The following THSD7A variants were observed in gnomAD, a reference collection of about 807,000 sequenced individuals.
THSD7A encodes thrombospondin type 1 domain containing 7A.
Under a neutral mutation model 231.3 loss-of-function variants are expected in THSD7A, and 96 were observed. That is an observed-to-expected ratio of 0.41 (90% CI 0.35 to 0.49). The LOEUF (loss-of-function observed/expected upper bound fraction) is 0.49. Ranked by LOEUF, THSD7A falls within the 20% of genes least tolerant of loss-of-function variation. The pLI is 0.05. For missense variants in THSD7A, 2,290 were observed against 2,070.2 expected, an observed-to-expected ratio of 1.11 and a Z score of -2.06; for synonymous variants, 940 against 743.3, an observed-to-expected ratio of 1.26 and a Z score of -4.30.
rs534863239 is a variant in THSD7A at position 11,694,217 on chromosome 7, T to C, written c.191-57256A>G. Among the ~76,000 whole-genome samples, 78 of 151,520 alleles carry C rather than the reference T, an allele frequency of 5.1e-4. 1 individual carries two copies. Among genetic ancestry groups the C allele is most frequent in the Non-Finnish European group, 9.9e-4 (67 of 67,672 alleles). ...GATTTCATTTTGGACTTTTTTACAA[T>C]GTTATTCCTTTGGAATGTCATTTCA... On this transcript the variant is annotated intron_variant, in intron 1 of 27. Coordinates refer to ENST00000423059, the MANE Select transcript of THSD7A (RefSeq NM_015204.3).
chr7:11,543,481 G>A (rs1489721829), intron 4 of THSD7A, among the ~76,000 whole-genome samples: 1 of 152,088 alleles, frequency 6.6e-6, no homozygotes, highest in African/African-American at 2.4e-5. Flanking sequence ...AACTTCAGAG[G>A]ACTGAACAAA....
Position 11,411,360 on chromosome 7 carries a change from G to T in THSD7A, c.3683-38C>A. The T allele has an allele frequency of 7.2e-7, 1 of 1,391,454 alleles. No individual in the cohort carries two copies. Among genetic ancestry groups the T allele is most frequent in the Non-Finnish European group, 1.0e-6 (1 of 991,734 alleles). The allele number at this position is 1,391,454 out of a possible 1,614,324, so 86.2% of individuals were successfully genotyped here. On this transcript the variant is annotated intron_variant, in intron 18 of 27. Coordinates refer to ENST00000423059, the MANE Select transcript of THSD7A (RefSeq NM_015204.3). This position sits in a 1 kb window ranked among gnomAD's most constrained non-coding sequence, Gnocchi z 4.1. ...GAAGCCCATCAGAACAGAAGGCTAAGTAAGAAACAGATTTCAAATGAAACT... is the reference window on the plus strand; with the variant it reads ...GAAGCCCATCAGAACAGAAGGCTAATTAAGAAACAGATTTCAAATGAAACT...
intron 1 of THSD7A, among the ~76,000 whole-genome samples, chr7:11,669,315 T>C (rs945284235): frequency 2.6e-5 from 4 of 152,084 alleles, no homozygotes; most frequent in Non-Finnish European, 5.9e-5. Flanking sequence ...AATACTTTTT[T>C]TCGGACATCA....
intron 1 of THSD7A, among the ~76,000 whole-genome samples, chr7:11,695,715 G>T (rs550027466): frequency 3.8e-4 from 57 of 151,514 alleles, no homozygotes; most frequent in Non-Finnish European, 7.2e-4. Context: ...GGACATTGTG[G>T]TAAGTGATAC....
intron 6 of THSD7A, among the ~76,000 whole-genome samples, chr7:11,490,000 T>G (rs549900480): frequency 2.0e-4 from 31 of 152,246 alleles, no homozygotes; most frequent in African/African-American, 7.5e-4. Context: ...AAACCCTTTT[T>G]ATTCACAATA....
chr7:11,572,753 G>A (rs951798090), intron 4 of THSD7A, among the ~76,000 whole-genome samples: 1 of 151,758 alleles, frequency 6.6e-6, no homozygotes, highest in African/African-American at 2.4e-5. Flanking sequence ...TGATCCTCCT[G>A]CCTCAGCCTC....
At position 11,606,807 on chromosome 7, in the gene THSD7A, A is replaced by G. The variant is rs187096450; in HGVS notation, c.1023-13305T>C. On this transcript the variant is annotated intron_variant, in intron 2 of 27. Transcript: ENST00000423059. ...AAGCAAAATATATTTGTAGGCTTGT[A>G]TACTTTGTAATGACAGCATGGCCAC... Among the ~76,000 whole-genome samples the G allele has an allele frequency of 3.5e-3, 529 of 152,182 alleles. 2 individuals carry two copies. Among genetic ancestry groups the G allele is most frequent in the South Asian group, 9.7e-3 (47 of 4,830 alleles).
chr7:11,580,549 A>G (rs144564853), intron 4 of THSD7A, among the ~76,000 whole-genome samples: 1 of 152,194 alleles, frequency 6.6e-6, no homozygotes, highest in Non-Finnish European at 1.5e-5. Context: ...AATACTATGC[A>G]GCCATTAAAA....
At chr7:11,830,912 T>G (rs1785173071) in intron 1 of THSD7A, among the ~76,000 whole-genome samples, 1 of 152,194 alleles carries the variant, frequency 6.6e-6, no homozygotes, top group African/African-American at 2.4e-5. Context: ...CCCATTTTAT[T>G]CCTATGAACA....
chr7:11,411,395 T>G lies in THSD7A; in HGVS notation c.3683-73A>C, dbSNP rs1193987782. On this transcript the variant is annotated intron_variant, in intron 18 of 27. Transcript: ENST00000423059. This position sits in a 1 kb window ranked among gnomAD's most constrained non-coding sequence, Gnocchi z 4.1. ...GATTTCAAATGAAACTCTGATGACCTGAATCCCATATTTAATTCACAACTG... is the reference window on the plus strand; with the variant it reads ...GATTTCAAATGAAACTCTGATGACCGGAATCCCATATTTAATTCACAACTG... 5.0e-6 allele frequency: 5 copies of G among 994,970 alleles called. No individual in the cohort carries two copies. Among genetic ancestry groups the G allele is most frequent in the Non-Finnish European group, 6.1e-6 (4 of 651,844 alleles). 61.6% of individuals were successfully genotyped at this position (994,970 alleles called of 1,614,324 possible).
chr7:11,674,989 T>C (rs1409552721), intron 1 of THSD7A, among the ~76,000 whole-genome samples: 2 of 152,096 alleles, frequency 1.3e-5, no homozygotes, highest in Admixed American at 6.5e-5. Context: ...GATGGCCGAA[T>C]AGGAACAGCT....
intron 6 of THSD7A, among the ~76,000 whole-genome samples, chr7:11,491,149 T>C (rs976934027): frequency 3.3e-5 from 5 of 152,102 alleles, no homozygotes; most frequent in Non-Finnish European, 4.4e-5. Context: ...AGTATGATCT[T>C]CATCATTCAG....
At chr7:11,701,736 C>T (rs573556387) in intron 1 of THSD7A, among the ~76,000 whole-genome samples, 1 of 151,282 alleles carries the variant, frequency 6.6e-6, no homozygotes, top group South Asian at 2.1e-4. Flanking sequence ...CCTTGAGCCA[C>T]ATTTTAAGTT....
rs929668962 is a variant in THSD7A at position 11,560,363 on chromosome 7, G to T, written c.1454-17246C>A. ...CACTCACACCTATGACATGGTTCCTGTTTAACATGAACAACTTCATAGGGC... is the reference window on the plus strand; with the variant it reads ...CACTCACACCTATGACATGGTTCCTTTTTAACATGAACAACTTCATAGGGC... On this transcript the variant is annotated intron_variant, in intron 4 of 27. Transcript: ENST00000423059. 2.6e-5 allele frequency among the ~76,000 whole-genome samples: 4 copies of T among 152,094 alleles called. No homozygotes were observed. In the East Asian group the frequency reaches 5.8e-4, roughly 22 times the overall value.
chr7:11,469,977 C>A lies in THSD7A; in HGVS notation c.2270G>T (p.Arg757Leu). 1 of 1,590,162 alleles carries A rather than the reference C, an allele frequency of 6.3e-7. No individual in the cohort carries two copies. The highest frequency in any genetic ancestry group is 1.1e-5 in the South Asian group (1 of 87,080). ...CAGACAAGGCCTTACAGTTTCAGGT[C>A]GAAGGCTTTCAGGACATCTAGAAAG... ...VGPKKCPESL[R>L]PETVRPCLLP... The change falls in exon 9 of 28, where the codon CGA becomes CTA. Residue 757 changes from arginine (R) to leucine (L), a missense_variant. By Grantham distance (102) the Arg-to-Leu change is moderately radical (BLOSUM62 -2). Coordinates refer to ENST00000423059, the MANE Select transcript of THSD7A (RefSeq NM_015204.3).
At chr7:11,654,014 T>G (rs535714806) in intron 1 of THSD7A, among the ~76,000 whole-genome samples, 4 of 151,898 alleles carry the variant, frequency 2.6e-5, no homozygotes, top group Admixed American at 2.6e-4. Context: ...CACTGAACAT[T>G]GAGGAGAAGA....
intron 1 of THSD7A, among the ~76,000 whole-genome samples, chr7:11,813,649 G>T (rs1784593829): frequency 6.6e-6 from 1 of 151,776 alleles, no homozygotes; most frequent in South Asian, 2.1e-4. Context: ...GGAGGCAGAG[G>T]TTGCAGTGAG....
intron 23 of THSD7A, among the ~76,000 whole-genome samples, chr7:11,388,301 T>C (rs1325046965): frequency 2.6e-5 from 4 of 152,162 alleles, no homozygotes; most frequent in African/African-American, 7.2e-5. Context: ...CTGGTAGAAT[T>C]TGACTGTGAA....
intron 1 of THSD7A, among the ~76,000 whole-genome samples, chr7:11,766,997 T>G (rs1055918630): frequency 6.6e-6 from 1 of 152,102 alleles, no homozygotes; most frequent in Non-Finnish European, 1.5e-5. Context: ...AAATGCAAAT[T>G]GAAATGGTTA....
Sources: gnomAD v4.1 joint callset for allele counts (sites outside exome capture counted in the v4.1 genomes callset) on GRCh38, gnomAD v4.1.1 for gene constraint, Gnocchi (gnomAD v3.1) non-coding constraint, MANE v1.5 for transcripts, NCBI Gene and HGNC (gene_info 2026-07-23, HGNC 2026-07-21) for gene names.